The following ZNF398 variants were observed in gnomAD, a reference collection of about 807,000 sequenced individuals.
ZNF398 encodes zinc finger protein 398.
ZNF398 carries 18 observed loss-of-function variants against 41.9 expected under a neutral mutation model. The observed-to-expected ratio is 0.43, with a 90% confidence interval of 0.30 to 0.64. ZNF398 has a LOEUF of 0.64. ZNF398 is among the 30% of genes least tolerant of loss of function. The pLI is 0.14. For synonymous variants in ZNF398, 260 were observed against 308.8 expected (o/e 0.84, Z 1.66); for missense variants, 669 against 822.8 (o/e 0.81, Z 2.29).
rs1252229427 is a variant in ZNF398, at chr7:149,147,776, G to T, written c.24+10G>T. 4 of 1,394,122 alleles carry T rather than the reference G, an allele frequency of 2.9e-6. No individual in the cohort carries two copies. Among genetic ancestry groups the T allele is most frequent in the Non-Finnish European group, 3.7e-6 (4 of 1,072,140 alleles). The allele number at this position is 1,394,122 out of a possible 1,614,324, so 86.4% of individuals were successfully genotyped here. A position where few individuals can be genotyped will look rare whatever the true frequency, so the allele number is the denominator to read the frequency against. ...GGCGGCCCCGGCCCCGGTAAGGGCG[G>T]CCGCGCGCGAGTGTTGTGAGCCCCC... On this transcript the variant is annotated intron_variant, in intron 1 of 5. Transcript: ENST00000475153. This position sits in a 1 kb window ranked among gnomAD's most constrained non-coding sequence, Gnocchi z 5.6.
intron 2 of ZNF398, among the ~76,000 whole-genome samples, chr7:149,155,731 A>ATTTTTTTTTTTTTTT (rs1235445656): frequency 8.8e-5 from 5 of 56,926 alleles, no homozygotes; most frequent in African/African-American, 1.1e-4. Flanking sequence ...TTTTTTTTTA[A>ATTTTTTTTTTTTTTT]TTTTTTTTTT....
intron 5 of ZNF398, among the ~76,000 whole-genome samples, chr7:149,178,429 G>C (rs779797323): frequency 1.3e-5 from 2 of 152,176 alleles, no homozygotes; most frequent in Non-Finnish European, 2.9e-5. Context: ...CTCCATCGTG[G>C]GCAACAGAAT....
chr7:149,170,300 A>G (rs561843255), intron 4 of ZNF398, among the ~76,000 whole-genome samples: 2 of 152,352 alleles, frequency 1.3e-5, no homozygotes, highest in Non-Finnish European at 2.9e-5. Flanking sequence ...TACCTAGGCT[A>G]TATAGTATAG....
intron 4 of ZNF398, among the ~76,000 whole-genome samples, chr7:149,168,933 G>T (rs889664736): frequency 6.6e-6 from 1 of 152,118 alleles, no homozygotes; most frequent in East Asian, 1.9e-4. Context: ...TTATATCACA[G>T]ATATAAGTAA....
chr7:149,146,515 A>C (rs1826946489), upstream of ZNF398, among the ~76,000 whole-genome samples: 1 of 152,012 alleles, frequency 6.6e-6, no homozygotes. Context: ...TGCCACTTGC[A>C]CTCCAGCCTG....
intron 2 of ZNF398, among the ~76,000 whole-genome samples, chr7:149,138,927 T>TTC (rs968173268): frequency 4.0e-5 from 6 of 151,302 alleles, no homozygotes. Flanking sequence ...TTTTTTTTTT[T>TTC]TTTGAGACGG....
chr7:149,178,487 T>C (rs1485720264), intron 5 of ZNF398, among the ~76,000 whole-genome samples, 161 bp from the exon 6 acceptor site: 1 of 152,206 alleles, frequency 6.6e-6, no homozygotes, highest in Non-Finnish European at 1.5e-5. Context: ...ATTTCTCTGA[T>C]GATTTGCCAC....
chr7:149,155,733 T>TA (rs1563159633), intron 2 of ZNF398, among the ~76,000 whole-genome samples: 3,855 of 89,706 alleles, frequency 0.043, 275 homozygotes, highest in African/African-American at 0.13. Context: ...TTTTTTTAAT[T>TA]TTTTTTTTTT....
At chr7:149,148,410 C>T in intron 1 of ZNF398, 1 of 985,346 alleles carries the variant, frequency 1.0e-6, no homozygotes, top group Non-Finnish European at 1.2e-6. Flanking sequence ...CGCGCCTGCA[C>T]GCAGCCCCGT....
chr7:149,148,369 C>T, intron 1 of ZNF398: 7 of 934,880 alleles, frequency 7.5e-6, no homozygotes, highest in Non-Finnish European at 8.9e-6. Context: ...CCGGCAGCGG[C>T]CAGTTGCCAG....
chr7:149,170,113 T>C (rs1272337947), intron 4 of ZNF398, among the ~76,000 whole-genome samples: 1 of 152,298 alleles, frequency 6.6e-6, no homozygotes, highest in East Asian at 1.9e-4. Flanking sequence ...CTTACCCAAA[T>C]TCCAGACTCA....
chr7:149,157,482 C>A (rs1795006112), intron 2 of ZNF398, among the ~76,000 whole-genome samples: 1 of 149,052 alleles, frequency 6.7e-6, no homozygotes, highest in South Asian at 2.1e-4. Context: ...TTGCAGTGAG[C>A]CAAGATGGCG....
intron 2 of ZNF398, among the ~76,000 whole-genome samples, chr7:149,134,529 A>G (rs7788925): frequency 0.58 from 88,493 of 151,940 alleles, 27,366 homozygotes; most frequent in East Asian, 0.9. Flanking sequence ...GGGACTACAG[A>G]TGTGAGCCAC....
chr7:149,158,125 A>G (rs1795025517), intron 2 of ZNF398, among the ~76,000 whole-genome samples: 1 of 152,184 alleles, frequency 6.6e-6, no homozygotes, highest in Non-Finnish European at 1.5e-5. Context: ...GGAAAGGCTG[A>G]TGAGGTAGAG....
intron 1 of ZNF398, among the ~76,000 whole-genome samples, chr7:149,150,819 C>G (rs1827092070): frequency 6.6e-6 from 1 of 152,028 alleles, no homozygotes. Flanking sequence ...AAGTGATTCT[C>G]TAGCCTCAGT....
At chr7:149,149,207 A>G (rs1410052756) in intron 1 of ZNF398, among the ~76,000 whole-genome samples, 3 of 152,002 alleles carry the variant, frequency 2.0e-5, no homozygotes, top group Non-Finnish European at 4.4e-5. Flanking sequence ...TATATGCAAA[A>G]TATTATTTCA....
At chr7:149,156,816 G>A (rs1338901093) in intron 2 of ZNF398, among the ~76,000 whole-genome samples, 2 of 148,306 alleles carry the variant, frequency 1.3e-5, no homozygotes, top group Admixed American at 1.4e-4. Context: ...AGGGGAGATT[G>A]TACCACTGAA....
chr7:149,137,888 A>T (rs749112551), intron 2 of ZNF398, among the ~76,000 whole-genome samples: 28 of 152,290 alleles, frequency 1.8e-4, no homozygotes, highest in Admixed American at 1.6e-3. Context: ...AAATATGTAG[A>T]CATTAAATTT....
chr7:149,156,333 C>T (rs939173169), intron 2 of ZNF398, among the ~76,000 whole-genome samples: 7 of 150,716 alleles, frequency 4.6e-5, no homozygotes, highest in African/African-American at 9.7e-5. Context: ...GATGAAACCC[C>T]GTCTCTACTA....
Sources: gnomAD v4.1 joint callset for allele counts (sites outside exome capture counted in the v4.1 genomes callset) on GRCh38, gnomAD v4.1.1 for gene constraint, Gnocchi (gnomAD v3.1) non-coding constraint, MANE v1.5 for transcripts, NCBI Gene and HGNC (gene_info 2026-07-23, HGNC 2026-07-21) for gene names.